The following RIPOR3 variants were observed in gnomAD, a reference collection of about 807,000 sequenced individuals.
The protein encoded by RIPOR3 is family with sequence similarity 65 member C.
In RIPOR3, 95 loss-of-function variants were observed where a neutral mutation model predicts 114.3. The ratio of observed to expected loss-of-function variants is 0.83; its 90% confidence interval spans 0.70 to 0.99. RIPOR3 has a LOEUF of 0.99. RIPOR3 is among the 50% of genes least tolerant of loss of function. The pLI, the probability that RIPOR3 is intolerant of heterozygous loss-of-function variation, is 0.00. For synonymous variants in RIPOR3, 575 were observed against 543.8 expected (o/e 1.06, Z -0.80); for missense variants, 1,252 against 1,266.9 (o/e 0.99, Z 0.18).
chr20:50,589,861 G>A lies in RIPOR3; in HGVS notation c.2578-92C>T, dbSNP rs2083055227. The A allele has an allele frequency of 2.8e-6, 3 of 1,089,446 alleles. No homozygotes were observed. The African/African-American group carries it at 4.7e-5, about 17-fold the overall frequency. The allele number at this position is 1,089,446 out of a possible 1,614,324, so 67.5% of individuals were successfully genotyped here. On this transcript the variant is annotated intron_variant, in intron 19 of 21. Coordinates refer to ENST00000327979, the MANE Select transcript of RIPOR3 (RefSeq NM_001290268.2). Reference sequence around the variant, plus strand: ...TCAGCCACCAGGTGCCGACAGTAAGGCACGCTGTGCCCATCTTTCTCTAAA... The same window carrying A: ...TCAGCCACCAGGTGCCGACAGTAAGACACGCTGTGCCCATCTTTCTCTAAA...
chr20:50,682,709 G>T, intron 1 of RIPOR3, among the ~76,000 whole-genome samples: 1 of 148,112 alleles, frequency 6.8e-6, no homozygotes, highest in Admixed American at 7.2e-5. Context: ...ATATTATTTT[G>T]GCATACATGT....
chr20:50,594,959 T>A, intron 16 of RIPOR3: 1 of 528,714 alleles, frequency 1.9e-6, no homozygotes. Flanking sequence ...AGCCTCTCCT[T>A]ACAGACAAGG....
rs1021930504 is a variant in RIPOR3, at chr20:50,672,944, C to T, written c.3+18182G>A. On this transcript the variant is annotated intron_variant, in intron 1 of 21. Transcript: ENST00000327979. The stretch of plus-strand genomic sequence containing the variant: ...AACCCATGGCAACTCACCTGTAGCG[C>T]ATGGAGATTTGGGGGTAAACCCAGT... Among the ~76,000 whole-genome samples, 5 of 152,204 alleles carry T rather than the reference C, an allele frequency of 3.3e-5. No individual in the cohort carries two copies. The South Asian group carries it at 8.3e-4, about 25-fold the overall frequency.
Position 50,595,422 on chromosome 20 carries a change from G to A in RIPOR3, c.1997C>T (p.Thr666Ile), listed in dbSNP as rs1221849275. ...CTTCTCAAAGTCAAGGACAGAAAGTGTCTCCAGAACGTGCTTTTGCTGTGC... is the reference window on the plus strand; with the variant it reads ...CTTCTCAAAGTCAAGGACAGAAAGTATCTCCAGAACGTGCTTTTGCTGTGC... ...EVAQQKHVLE[T>I]LSVLDFEKVG... is the part of the protein sequence containing the mutation. Residue 666 changes from threonine to isoleucine, a missense_variant, in exon 16 of 22, where the codon ACA becomes ATA. By Grantham distance (89) the Thr-to-Ile change is moderately conservative. Transcript: ENST00000327979. 28 of 1,614,062 alleles carry A rather than the reference G, an allele frequency of 1.7e-5. No homozygotes were observed.
chr20:50,673,900 C>A (rs184877434), intron 1 of RIPOR3, among the ~76,000 whole-genome samples: 65 of 152,250 alleles, frequency 4.3e-4, no homozygotes, highest in African/African-American at 1.3e-3. Flanking sequence ...CTTCATGAAC[C>A]ATTTTTCCAT....
chr20:50,587,410 A>G, intron 21 of RIPOR3, 78 bp from the exon 22 acceptor site: 3 of 1,215,878 alleles, frequency 2.5e-6, no homozygotes, highest in Non-Finnish European at 3.6e-6. Flanking sequence ...GGGTGGCCCT[A>G]GTGCTTAGTG....
At chr20:50,595,136 G>A in intron 16 of RIPOR3, 1 of 578,280 alleles carries the variant, frequency 1.7e-6, no homozygotes, top group Admixed American at 3.0e-5. Flanking sequence ...TCAGAGATGT[G>A]AATCATTTGC....
At chr20:50,605,511 G>A (rs1383412724) in intron 11 of RIPOR3, among the ~76,000 whole-genome samples, 1 of 152,078 alleles carries the variant, frequency 6.6e-6, no homozygotes, top group Non-Finnish European at 1.5e-5. Flanking sequence ...GCTCACACCT[G>A]TAATCCCAAC....
rs377023048 is a variant in RIPOR3, at chr20:50,608,551, G to A, written c.811-17C>T. Reference sequence around the variant, plus strand: ...CTCCGTCACCTGGGGGTGGGGGCTGGAGGGTGGTGTCTGAGCCGAACACCC... The same window carrying A: ...CTCCGTCACCTGGGGGTGGGGGCTGAAGGGTGGTGTCTGAGCCGAACACCC... On this transcript the variant is annotated splice_polypyrimidine_tract_variant and intron_variant, in intron 10 of 21. Coordinates refer to ENST00000327979, the MANE Select transcript of RIPOR3 (RefSeq NM_001290268.2). The A allele has an allele frequency of 6.2e-7, 1 of 1,613,714 alleles. No individual in the cohort carries two copies.
chr20:50,623,668 G>T (rs1369815848), intron 2 of RIPOR3, among the ~76,000 whole-genome samples: 1 of 143,902 alleles, frequency 6.9e-6, no homozygotes, highest in Non-Finnish European at 1.5e-5. Flanking sequence ...ACTAAGCTCA[G>T]GCCAGGGCTA....
chr20:50,679,211 C>G (rs1207002289), intron 1 of RIPOR3, among the ~76,000 whole-genome samples: 1 of 133,600 alleles, frequency 7.5e-6, no homozygotes, highest in Non-Finnish European at 1.6e-5. Flanking sequence ...ATATATACCT[C>G]AAAAAATATA....
At chr20:50,603,610 G>A (rs986137955) in intron 12 of RIPOR3, among the ~76,000 whole-genome samples, 4 of 152,202 alleles carry the variant, frequency 2.6e-5, no homozygotes, top group African/African-American at 9.6e-5. Flanking sequence ...AGCAGCAGCT[G>A]TCATTAAGTA....
At chr20:50,639,781 G>A (rs907176562) in intron 1 of RIPOR3, among the ~76,000 whole-genome samples, 3 of 152,150 alleles carry the variant, frequency 2.0e-5, no homozygotes, top group African/African-American at 7.2e-5. Flanking sequence ...GGTCCCAGGA[G>A]TGACTAAGGG....
intron 1 of RIPOR3, among the ~76,000 whole-genome samples, chr20:50,634,450 C>T (rs1282695120): frequency 6.6e-6 from 1 of 152,102 alleles, no homozygotes. Flanking sequence ...GGTGTTTCCT[C>T]TGGATGCCCC....
intron 1 of RIPOR3, among the ~76,000 whole-genome samples, chr20:50,642,343 TGG>T (rs1287088787): frequency 9.0e-4 from 61 of 67,508 alleles, no homozygotes; most frequent in African/African-American, 8.3e-3. Context: ...TTGTTCTCTG[TGG>T]GTGTGTGTGT....
At chr20:50,611,274 T>C in intron 4 of RIPOR3, 70 bp from the exon 5 acceptor site, 2 of 1,604,746 alleles carry the variant, frequency 1.2e-6, no homozygotes, top group Admixed American at 3.3e-5. Flanking sequence ...CCTATGAGGC[T>C]CTATGCTGGC....
In RIPOR3 at chr20:50,587,867, G is replaced by C. The variant is rs772445641; in HGVS notation, c.2687C>G (p.Ala896Gly). The change falls in exon 21 of 22, where the codon GCC becomes GGC. Residue 896 changes from alanine (A) to glycine (G), a missense_variant. Ala to Gly is a moderately conservative substitution (Grantham distance 60, BLOSUM62 0). Transcript: ENST00000327979. ...LKGIESIDQT[A>G]SLCQSDLEAV... is the part of the protein sequence containing the mutation. Reference sequence around the variant, plus strand: ...CTCCAGGTCAGACTGGCACAGGCTGGCAGTCTGGTCGATGCTTTCAATGCC... The same window carrying C: ...CTCCAGGTCAGACTGGCACAGGCTGCCAGTCTGGTCGATGCTTTCAATGCC... The C allele has an allele frequency of 1.9e-6, 3 of 1,614,144 alleles. No homozygotes were observed. Among genetic ancestry groups the C allele is most frequent in the East Asian group, 4.5e-5 (2 of 44,882 alleles).
At chr20:50,602,000 C>T in intron 13 of RIPOR3, 72 bp downstream of exon 13, 1 of 1,394,214 alleles carries the variant, frequency 7.2e-7, no homozygotes, top group Non-Finnish European at 9.4e-7. Context: ...CTGCGTGGCC[C>T]CAGAGCCCCC....
rs184210050 is a variant in RIPOR3, at chr20:50,597,892, C to G, written c.1660-182G>C. ...GGCGTGGCACTGGGCGTGTCACCCC[C>G]CAAAGTCCCTCCTGAATGGCCTGTG... On this transcript the variant is annotated intron_variant, in intron 13 of 21. Transcript: ENST00000327979. Among the ~76,000 whole-genome samples, 418 of 152,364 alleles carry G rather than the reference C, an allele frequency of 2.7e-3. 3 individuals are homozygous for G. Among genetic ancestry groups the G allele is most frequent in the Middle Eastern group, 3.4e-3 (1 of 294 alleles).
Sources: gnomAD v4.1 joint callset for allele counts (sites outside exome capture counted in the v4.1 genomes callset) on GRCh38, gnomAD v4.1.1 for gene constraint, MANE v1.5 for transcripts, NCBI Gene and HGNC (gene_info 2026-07-23, HGNC 2026-07-21) for gene names.